The following RAPGEF2 variants were observed in gnomAD, a reference collection of about 807,000 sequenced individuals.
RAPGEF2 encodes PDZ domain containing guanine nucleotide exchange factor (GEF) 1.
A neutral mutation model predicts 186.7 loss-of-function variants in RAPGEF2; 54 were observed. That is an observed-to-expected ratio of 0.29 (90% confidence interval 0.23 to 0.36). The LOEUF (loss-of-function observed/expected upper bound fraction) is 0.36. RAPGEF2 is among the 10% of genes least tolerant of loss of function. RAPGEF2 has a pLI of 1.00. For synonymous variants in RAPGEF2, 712 were observed against 705.9 expected, an observed-to-expected ratio of 1.01 and a Z score of -0.14; for missense variants, 1,532 against 2,045.0, an observed-to-expected ratio of 0.75 and a Z score of 4.84.
At chr4:159,188,847 C>T (rs1467916624) in intron 2 of RAPGEF2, among the ~76,000 whole-genome samples, 5 of 152,078 alleles carry the variant, frequency 3.3e-5, no homozygotes, top group South Asian at 2.1e-4. Flanking sequence ...TATTTTGGAG[C>T]CTACACAGAT....
chr4:159,191,906 G>A (rs769825078), intron 2 of RAPGEF2, among the ~76,000 whole-genome samples: 6 of 152,150 alleles, frequency 3.9e-5, no homozygotes, highest in Non-Finnish European at 2.9e-5. Flanking sequence ...ATTAGAGGAC[G>A]TGATTCAGTA....
intron 6 of RAPGEF2, among the ~76,000 whole-genome samples, chr4:159,241,783 C>T (rs1416564283): frequency 6.6e-6 from 1 of 151,904 alleles, no homozygotes; most frequent in African/African-American, 2.4e-5. Flanking sequence ...CCTGTGCACT[C>T]CACCCTTCAC....
chr4:159,256,720 T>G (rs1327318645), intron 7 of RAPGEF2, among the ~76,000 whole-genome samples: 1 of 152,238 alleles, frequency 6.6e-6, no homozygotes, highest in African/African-American at 2.4e-5. Flanking sequence ...GTTACTTGAC[T>G]TTTTAATAAC....
In RAPGEF2 at chr4:159,338,732, G is replaced by A. The variant is rs145506042; in HGVS notation, c.2293+264G>A. ...ATAAAATGAAGATAACACATCCCATGCCATGATTACTAAATCATATCAAAT... is the reference window on the plus strand; with the variant it reads ...ATAAAATGAAGATAACACATCCCATACCATGATTACTAAATCATATCAAAT... On this transcript the variant is annotated intron_variant, in intron 18 of 29. Transcript: ENST00000691494. Among the ~76,000 whole-genome samples, 453 of 152,258 alleles carry A rather than the reference G, an allele frequency of 3.0e-3. 2 individuals are homozygous for A. The highest frequency in any genetic ancestry group is 0.01 in the African/African-American group (432 of 41,532).
At chr4:159,230,457 A>C (rs779560961) in intron 4 of RAPGEF2, among the ~76,000 whole-genome samples, 1 of 152,192 alleles carries the variant, frequency 6.6e-6, no homozygotes, top group Non-Finnish European at 1.5e-5. Flanking sequence ...ATATAATTCA[A>C]AGTAGAAAAG....
At chr4:159,136,381 A>C (rs1158220710) in intron 1 of RAPGEF2, among the ~76,000 whole-genome samples, 2 of 152,190 alleles carry the variant, frequency 1.3e-5, no homozygotes, top group African/African-American at 4.8e-5. Context: ...AAAGGACTTC[A>C]GGAAGACCAG....
intron 4 of RAPGEF2, among the ~76,000 whole-genome samples, chr4:159,227,708 A>C (rs1481620095): frequency 1.3e-5 from 2 of 152,248 alleles, no homozygotes; most frequent in African/African-American, 4.8e-5. Flanking sequence ...GTGGCAAGAG[A>C]GAAAAACTGC....
intron 24 of RAPGEF2, among the ~76,000 whole-genome samples, chr4:159,345,613 G>A (rs1000926477): frequency 2.0e-5 from 3 of 152,182 alleles, no homozygotes; most frequent in Non-Finnish European, 2.9e-5. Context: ...ACATGCAACA[G>A]ACGCATATAT....
intron 3 of RAPGEF2, among the ~76,000 whole-genome samples, chr4:159,204,648 GA>G (rs1749782509): frequency 6.6e-6 from 1 of 152,168 alleles, no homozygotes; most frequent in East Asian, 1.9e-4. Flanking sequence ...ATGAAAAACA[GA>G]AACAGGAGCC....
chr4:159,312,608 C>T (rs1015705228), intron 8 of RAPGEF2, among the ~76,000 whole-genome samples: 8 of 152,170 alleles, frequency 5.3e-5, no homozygotes, highest in Non-Finnish European at 8.8e-5. Context: ...CCTGCAGTAT[C>T]TCTGCTTATA....
intron 7 of RAPGEF2, chr4:159,267,791 C>A (rs370497399): frequency 3.3e-6 from 3 of 915,224 alleles, no homozygotes; most frequent in Non-Finnish European, 2.6e-6. Flanking sequence ...TAGCTTTTTT[C>A]TTTTTTTTTT....
intron 7 of RAPGEF2, among the ~76,000 whole-genome samples, chr4:159,250,962 C>T (rs1170564143): frequency 1.3e-5 from 2 of 152,216 alleles, no homozygotes; most frequent in Non-Finnish European, 2.9e-5. Context: ...GCGCCACGCT[C>T]ATGGGCCAGC....
intron 3 of RAPGEF2, among the ~76,000 whole-genome samples, chr4:159,202,909 G>A (rs1011368227): frequency 2.6e-5 from 4 of 152,096 alleles, no homozygotes; most frequent in Non-Finnish European, 5.9e-5. Context: ...GCCTCCATGA[G>A]CAACCTTTTT....
At chr4:159,205,298 T>G (rs140702300) in intron 3 of RAPGEF2, among the ~76,000 whole-genome samples, 113 of 152,250 alleles carry the variant, frequency 7.4e-4, no homozygotes, top group Non-Finnish European at 1.4e-3. Flanking sequence ...CTTAGGTGAT[T>G]CATTTGCACA....
At chr4:159,270,588 C>T (rs1758004616) in intron 7 of RAPGEF2, among the ~76,000 whole-genome samples, 1 of 152,076 alleles carries the variant, frequency 6.6e-6, no homozygotes, top group Non-Finnish European at 1.5e-5. Flanking sequence ...ATAGTAAGCT[C>T]AGTTTTTCTA....
chr4:159,137,287 G>T (rs1345894070), intron 1 of RAPGEF2, among the ~76,000 whole-genome samples: 4 of 152,154 alleles, frequency 2.6e-5, no homozygotes, highest in Non-Finnish European at 5.9e-5. Context: ...TCTGGTGAAG[G>T]CCTACTCCTG....
intron 18 of RAPGEF2, 88 bp downstream of exon 18, chr4:159,338,556 T>A: frequency 7.6e-7 from 1 of 1,316,514 alleles, no homozygotes; most frequent in Admixed American, 2.2e-5. Flanking sequence ...CTCTCTTCAT[T>A]TGGCATGGAT....
chr4:159,312,482 G>A lies in RAPGEF2; in HGVS notation c.676-2109G>A, dbSNP rs112287093. ...CTATATCACATCAAGTTCTACTTCA[G>A]TTTCCTTCTTAAATCTAGCAATGAT... On this transcript the variant is annotated intron_variant, in intron 8 of 29. Transcript: ENST00000691494. Among the ~76,000 whole-genome samples, 330 of 151,940 alleles carry A rather than the reference G, an allele frequency of 2.2e-3. 5 individuals are homozygous for A. The highest frequency in any genetic ancestry group is 7.7e-3 in the African/African-American group (318 of 41,434).
At chr4:159,192,686 T>C (rs1748239596) in intron 2 of RAPGEF2, among the ~76,000 whole-genome samples, 1 of 152,222 alleles carries the variant, frequency 6.6e-6, no homozygotes, top group Admixed American at 6.5e-5. Flanking sequence ...AACAAATCTT[T>C]AAAGTTCTAA....
Sources: gnomAD v4.1 joint callset for allele counts (sites outside exome capture counted in the v4.1 genomes callset) on GRCh38, gnomAD v4.1.1 for gene constraint, MANE v1.5 for transcripts, NCBI Gene and HGNC (gene_info 2026-07-23, HGNC 2026-07-21) for gene names.